SLC9A9: variants seen among roughly 807,000 people sequenced by gnomAD.
The protein encoded by SLC9A9 is sodium/hydrogen exchanger 9.
In SLC9A9, 62 loss-of-function variants were observed where a neutral mutation model predicts 77.8. The ratio of observed to expected loss-of-function variants is 0.80; its 90% CI spans 0.65 to 0.98. The LOEUF is 0.98. SLC9A9 is among the 50% of genes least tolerant of loss of function. The pLI, the probability that SLC9A9 is intolerant of heterozygous loss-of-function variation, is 0.00. For missense variants in SLC9A9, 775 were observed against 774.9 expected (o/e 1.00, Z 0.00); for synonymous variants, 320 against 283.5 (o/e 1.13, Z -1.29).
At chr3:143,418,498 G>A (rs1054913405) in intron 12 of SLC9A9, among the ~76,000 whole-genome samples, 2 of 152,106 alleles carry the variant, frequency 1.3e-5, no homozygotes, top group Non-Finnish European at 2.9e-5. Flanking sequence ...AACAGGAGAA[G>A]GAGATGGGAA....
At chr3:143,795,646 T>C (rs931793803) in intron 3 of SLC9A9, among the ~76,000 whole-genome samples, 2 of 152,188 alleles carry the variant, frequency 1.3e-5, no homozygotes, top group African/African-American at 2.4e-5. Context: ...GGAAGATTGT[T>C]TGAGTACAGG....
chr3:143,807,438 T>C (rs2008750825), intron 2 of SLC9A9, among the ~76,000 whole-genome samples: 1 of 151,192 alleles, frequency 6.6e-6, no homozygotes, highest in Non-Finnish European at 1.5e-5. Context: ...TGGCTTTTAA[T>C]ATATGAAAAC....
chr3:143,555,266 G>C (rs946864467), intron 8 of SLC9A9, among the ~76,000 whole-genome samples: 1 of 152,156 alleles, frequency 6.6e-6, no homozygotes, highest in Non-Finnish European at 1.5e-5. Flanking sequence ...CTTCCACCAT[G>C]ATTGTGAGGC....
intron 12 of SLC9A9, among the ~76,000 whole-genome samples, chr3:143,441,462 T>G (rs939956002): frequency 5.3e-5 from 8 of 152,202 alleles, no homozygotes; most frequent in Admixed American, 5.2e-4. Context: ...GTAATTATAG[T>G]CACTTTCTTA....
chr3:143,781,123 T>C (rs1037591630), intron 4 of SLC9A9, among the ~76,000 whole-genome samples: 2 of 152,200 alleles, frequency 1.3e-5, no homozygotes, highest in Non-Finnish European at 2.9e-5. Flanking sequence ...TATTGGTACA[T>C]TATTACTAAT....
chr3:143,655,357 C>A, intron 5 of SLC9A9: 1 of 543,892 alleles, frequency 1.8e-6, no homozygotes, highest in Admixed American at 6.4e-5. Context: ...AGTCAATGCC[C>A]ATGTAAATGA....
intron 2 of SLC9A9, among the ~76,000 whole-genome samples, chr3:143,814,718 G>T (rs910982888): frequency 1.3e-5 from 2 of 152,178 alleles, no homozygotes; most frequent in African/African-American, 4.8e-5. Flanking sequence ...AACCCCAAAA[G>T]TGGACCTGGC....
At chr3:143,459,950 G>A (rs1337896218) in intron 12 of SLC9A9, among the ~76,000 whole-genome samples, 1 of 152,096 alleles carries the variant, frequency 6.6e-6, no homozygotes. Flanking sequence ...TGTAACTGTT[G>A]CTGCCATCGT....
At chr3:143,827,729 G>T (rs2009335729) in intron 2 of SLC9A9, among the ~76,000 whole-genome samples, 1 of 152,156 alleles carries the variant, frequency 6.6e-6, no homozygotes, top group Non-Finnish European at 1.5e-5. Context: ...AAATCCTGAA[G>T]TCAGAAATTT....
chr3:143,284,064 T>A (rs1290898051), intron 14 of SLC9A9, among the ~76,000 whole-genome samples: 3 of 151,724 alleles, frequency 2.0e-5, no homozygotes, highest in Non-Finnish European at 4.4e-5. Flanking sequence ...ATTTGGTAAG[T>A]CACAGATCCA....
intron 14 of SLC9A9, among the ~76,000 whole-genome samples, chr3:143,316,842 G>A (rs763410756): frequency 6.6e-6 from 1 of 152,152 alleles, no homozygotes. Flanking sequence ...ATTTGATTCT[G>A]TCAACAAGCC....
intron 6 of SLC9A9, among the ~76,000 whole-genome samples, chr3:143,581,372 T>C (rs1047774535): frequency 2.0e-5 from 3 of 152,178 alleles, no homozygotes; most frequent in Non-Finnish European, 4.4e-5. Flanking sequence ...TTACATAATA[T>C]TTAGCCCTCT....
At chr3:143,392,804 T>C (rs963590800) in intron 12 of SLC9A9, among the ~76,000 whole-genome samples, 1 of 152,102 alleles carries the variant, frequency 6.6e-6, no homozygotes, top group Non-Finnish European at 1.5e-5. Context: ...GCAATCCTAG[T>C]CTCTGATAAA....
rs1005991265 is a variant in SLC9A9, at chr3:143,613,039, C to T, written c.756-34316G>A. On this transcript the variant is annotated intron_variant, in intron 6 of 15. Transcript: ENST00000316549. The stretch of plus-strand genomic sequence containing the variant: ...ATTGTAATAGCCTCCCAATAACATA[C>T]TGCTTGTATTTTCTTCTCAGTTTGA... 2.0e-5 allele frequency among the ~76,000 whole-genome samples: 3 copies of T among 152,138 alleles called. No homozygotes were observed. The East Asian group carries it at 5.8e-4, about 29-fold the overall frequency.
intron 4 of SLC9A9, among the ~76,000 whole-genome samples, chr3:143,761,505 A>C (rs1312475769): frequency 6.6e-6 from 1 of 152,228 alleles, no homozygotes. Flanking sequence ...AGAAAAAAAC[A>C]AACAACCCCA....
chr3:143,789,710 T>C (rs1286578215), intron 4 of SLC9A9, among the ~76,000 whole-genome samples: 1 of 152,046 alleles, frequency 6.6e-6, no homozygotes, highest in African/African-American at 2.4e-5. Context: ...AGGTCCCCAG[T>C]TGAGCAGGCA....
intron 9 of SLC9A9, among the ~76,000 whole-genome samples, chr3:143,536,466 T>TA (rs894369621): frequency 1.8e-4 from 27 of 152,262 alleles, no homozygotes; most frequent in Admixed American, 7.8e-4. Context: ...TTACTAAGTT[T>TA]AAAATCAAAG....
intron 14 of SLC9A9, among the ~76,000 whole-genome samples, chr3:143,270,960 C>T (rs1327771357): frequency 6.6e-6 from 1 of 152,180 alleles, no homozygotes; most frequent in Non-Finnish European, 1.5e-5. Context: ...AGAAATAATT[C>T]ACAAGTTTTA....
intron 4 of SLC9A9, among the ~76,000 whole-genome samples, chr3:143,739,568 T>C (rs1209616437): frequency 6.6e-6 from 1 of 152,240 alleles, no homozygotes; most frequent in Non-Finnish European, 1.5e-5. Context: ...TTCTTACTAG[T>C]CTTACTTTAT....
Sources: allele counts gnomAD v4.1 joint callset (sites outside exome capture counted in the v4.1 genomes callset), GRCh38; gene constraint gnomAD v4.1.1; transcripts MANE v1.5; gene names NCBI Gene and HGNC (gene_info 2026-07-23, HGNC 2026-07-21).